Variants in ING3 observed in about 807,000 individuals in gnomAD.
ING3 encodes inhibitor of growth family member 3, also known as inhibitor of growth protein 3.
In ING3, 6 loss-of-function variants were observed where a neutral mutation model predicts 64.8. The observed-to-expected ratio is 0.09, with a 90% CI of 0.05 to 0.18. ING3 has a LOEUF of 0.18. Among genes scored for constraint, ING3 ranks in the 10% least tolerant of loss-of-function variants. The pLI is 1.00. For missense variants in ING3, 310 were observed against 489.7 expected (o/e 0.63, Z 3.46); for synonymous variants, 170 against 173.7 (o/e 0.98, Z 0.17).
intron 8 of ING3, among the ~76,000 whole-genome samples, chr7:120,968,346 C>T (rs1215783854): frequency 6.6e-6 from 1 of 152,092 alleles, no homozygotes; most frequent in Non-Finnish European, 1.5e-5. Context: ...GCTCATGTTG[C>T]CCATGTTCTT....
intron 9 of ING3, 101 bp from the exon 10 acceptor site, chr7:120,970,587 T>A: frequency 8.3e-7 from 1 of 1,200,262 alleles, no homozygotes; most frequent in Non-Finnish European, 1.2e-6. Flanking sequence ...ACACTTTAAT[T>A]TATACATTTG....
intron 4 of ING3, among the ~76,000 whole-genome samples, chr7:120,957,263 T>G (rs1426981301): frequency 6.6e-6 from 1 of 151,858 alleles, no homozygotes; most frequent in African/African-American, 2.4e-5. Flanking sequence ...TTCCAGCTAC[T>G]CGGGAGGCCG....
chr7:120,958,799 A>G (rs1795888077), intron 4 of ING3, among the ~76,000 whole-genome samples: 1 of 152,192 alleles, frequency 6.6e-6, no homozygotes, highest in Non-Finnish European at 1.5e-5. Context: ...CAGGCAATCT[A>G]ATATAAATCG....
In ING3 at chr7:120,956,733, A is replaced by G. The variant is rs992558436; in HGVS notation, c.267+1109A>G. 19 of 980,604 alleles carry G rather than the reference A, an allele frequency of 1.9e-5. No homozygotes were observed. In the East Asian group the frequency reaches 9.1e-4, roughly 47 times the overall value. 60.7% of individuals were successfully genotyped at this position (980,604 alleles called of 1,614,324 possible). A position where few individuals can be genotyped will look rare whatever the true frequency, so the allele number is the denominator to read the frequency against. On this transcript the variant is annotated intron_variant, in intron 4 of 11. Transcript: ENST00000315870. ...ATTGTTTCAGTCTTTAATTATGTCTATAAACTTAGAAAAAGGCATTTACAT... is the reference window on the plus strand; with the variant it reads ...ATTGTTTCAGTCTTTAATTATGTCTGTAAACTTAGAAAAAGGCATTTACAT...
intron 10 of ING3, 139 bp from the exon 11 acceptor site, chr7:120,973,066 T>A: frequency 2.2e-6 from 1 of 464,012 alleles, no homozygotes; most frequent in Non-Finnish European, 4.0e-6. Flanking sequence ...GAAAAAATTA[T>A]TATACCTTGA....
intron 3 of ING3, among the ~76,000 whole-genome samples, chr7:120,954,644 A>G (rs978479511): frequency 2.6e-5 from 4 of 152,216 alleles, no homozygotes; most frequent in African/African-American, 9.6e-5. Context: ...TCCACATCCC[A>G]GAGTCACTAA....
intron 4 of ING3, among the ~76,000 whole-genome samples, chr7:120,961,058 T>A (rs1468149792): frequency 6.6e-6 from 1 of 152,178 alleles, no homozygotes; most frequent in Non-Finnish European, 1.5e-5. Context: ...ACATTTTACC[T>A]ATAAATTTGA....
intron 3 of ING3, among the ~76,000 whole-genome samples, chr7:120,954,650 AC>A (rs1795819158): frequency 6.6e-6 from 1 of 152,222 alleles, no homozygotes; most frequent in Non-Finnish European, 1.5e-5. Context: ...TCCCAGAGTC[AC>A]TAATCATTTC....
Position 120,968,037 on chromosome 7 carries a change from T to C in ING3, c.660T>C (p.Thr220=), listed in dbSNP as rs781487800. ...ACATTGGCTCGTTATCTTCAGGAAC[T>C]GGTGCAGGGGCAATTACCATGGCAG... The part of the protein sequence containing the change: ...SYNIGSLSSG[T]GAGAITMAAA... Residue 220 remains threonine (T), a synonymous_variant, in exon 8 of 12, where the codon ACT becomes ACC. Transcript: ENST00000315870. The C allele has an allele frequency of 6.2e-7, 1 of 1,614,166 alleles. No individual in the cohort carries two copies. Among genetic ancestry groups the C allele is most frequent in the South Asian group, 1.1e-5 (1 of 91,090 alleles).
intron 2 of ING3, among the ~76,000 whole-genome samples, chr7:120,952,138 G>A (rs561380951): frequency 6.6e-6 from 1 of 152,228 alleles, no homozygotes. Flanking sequence ...TATGAATTGT[G>A]TGTGTGGTTC....
intron 9 of ING3, among the ~76,000 whole-genome samples, chr7:120,970,204 G>A (rs60615553): frequency 0.077 from 11,710 of 152,070 alleles, 1,318 homozygotes; most frequent in African/African-American, 0.25. Context: ...GGTGGCTCAT[G>A]CCTATAATCC....
chr7:120,956,452 A>T, intron 4 of ING3: 1 of 1,184,834 alleles, frequency 8.4e-7, no homozygotes. Flanking sequence ...AGGACACAAG[A>T]TAAAAGGTGA....
chr7:120,967,101 A>G, intron 6 of ING3, among the ~76,000 whole-genome samples: 1 of 152,170 alleles, frequency 6.6e-6, no homozygotes, highest in East Asian at 1.9e-4. Flanking sequence ...GCATATAATT[A>G]AGTCTGAATG....
At chr7:120,969,231 A>T (rs754084011) in intron 9 of ING3, 27 bp downstream of exon 9, 1 of 1,574,004 alleles carries the variant, frequency 6.4e-7, no homozygotes, top group Non-Finnish European at 8.7e-7. Context: ...CAGTAGCCCT[A>T]TACCTTTACT....
Position 120,975,277 on chromosome 7 carries a change from A to C in ING3, c.*433A>C, listed in dbSNP as rs1267985413. ...TGTAACACTGTATATAAATGGTTGC[A>C]AAAAAAAAAAAAAGTCAGTGCTTCT... is the stretch of plus-strand genomic sequence containing the variant. On this transcript the variant is annotated 3_prime_UTR_variant, in exon 12 of 12. Transcript: ENST00000315870. 1 of 141,810 alleles carries C rather than the reference A, an allele frequency of 7.1e-6. No homozygotes were observed. Among genetic ancestry groups the C allele is most frequent in the South Asian group, 2.2e-4 (1 of 4,532 alleles). The allele number at this position is 141,810 out of a possible 1,614,324, so 8.8% of individuals were successfully genotyped here.
intron 8 of ING3, 133 bp downstream of exon 8, chr7:120,968,224 A>G (rs1448623871): frequency 1.3e-6 from 1 of 796,046 alleles, no homozygotes; most frequent in African/African-American, 1.7e-5. Flanking sequence ...TGATTTCACG[A>G]TATGTGATAT....
chr7:120,953,348 A>G lies in ING3; in HGVS notation c.145A>G (p.Asn49Asp). The G allele has an allele frequency of 1.2e-6, 2 of 1,607,780 alleles. No individual in the cohort carries two copies. Among genetic ancestry groups the G allele is most frequent in the Admixed American group, 1.7e-5 (1 of 58,724 alleles). The change falls in exon 3 of 12, where the codon AAT (asparagine) becomes GAT (aspartate). Residue 49 changes from asparagine to aspartate, a missense_variant. Physicochemically the swap from Asn to Asp is conservative, Grantham distance 23. This residue lies in a region of ING3 where 53 missense variants were observed against 116.2 expected (regional missense o/e 0.46). Coordinates refer to ENST00000315870, the MANE Select transcript of ING3 (RefSeq NM_019071.3). Reference protein sequence around the residue: ...LEQRVSEFFMNAKKNKPEWRE... With the variant: ...LEQRVSEFFMDAKKNKPEWRE... ...ACAAAGAGTCAGTGAATTCTTTATGAATGCAAAGAAAAATAAACCTGAGTG... is the reference window on the plus strand; with the variant it reads ...ACAAAGAGTCAGTGAATTCTTTATGGATGCAAAGAAAAATAAACCTGAGTG...
chr7:120,975,870 C>G lies in ING3; in HGVS notation c.*1026C>G, dbSNP rs1232250614. The G allele has an allele frequency of 2.0e-5, 3 of 152,120 alleles. No homozygotes were observed. In the East Asian group the frequency reaches 5.8e-4, roughly 29 times the overall value. 9.4% of individuals were successfully genotyped at this position (152,120 alleles called of 1,614,324 possible). A position where few individuals can be genotyped will look rare whatever the true frequency, so the allele number is the denominator to read the frequency against. ...TGCCAATGTATTTTTTTAAGAACAT[C>G]ATCTGGCTTTTCCTTCAGTCTAAAA... On this transcript the variant is annotated 3_prime_UTR_variant, in exon 12 of 12. Coordinates refer to ENST00000315870, the MANE Select transcript of ING3 (RefSeq NM_019071.3).
intron 4 of ING3, among the ~76,000 whole-genome samples, 184 bp from the exon 5 acceptor site, chr7:120,964,558 G>GAGAT (rs1795974257): frequency 6.6e-6 from 1 of 152,124 alleles, no homozygotes; most frequent in Non-Finnish European, 1.5e-5. Flanking sequence ...GGAGACTTGG[G>GAGAT]AGATTATTTA....
Sources: allele counts gnomAD v4.1 joint callset (sites outside exome capture counted in the v4.1 genomes callset), GRCh38; gene constraint gnomAD v4.1.1; regional missense constraint gnomAD v4.1.1; transcripts MANE v1.5; gene names NCBI Gene and HGNC (gene_info 2026-07-23, HGNC 2026-07-21).